NBAS: variants seen among roughly 807,000 people sequenced by gnomAD.
NBAS encodes the protein NAG/BC035112 fusion.
In NBAS, 219 loss-of-function variants were observed where a neutral mutation model predicts 302.5. The observed-to-expected ratio is 0.72, with a 90% CI of 0.65 to 0.81. The LOEUF (loss-of-function observed/expected upper bound fraction) is 0.81, where lower values mean the gene tolerates loss of function less well. Ranked by LOEUF, NBAS falls within the 30% of genes least tolerant of loss-of-function variation. The pLI is 0.00. For synonymous variants in NBAS, 1,118 were observed against 1,021.6 expected (o/e 1.09, Z -1.80); for missense variants, 2,932 against 2,841.6 (o/e 1.03, Z -0.72).
chr2:14,822,591 T>C, the NBAS span, among the ~76,000 whole-genome samples: 1 of 152,164 alleles, frequency 6.6e-6, no homozygotes, highest in Admixed American at 6.5e-5. Flanking sequence ...ATCTTATTTA[T>C]AAATGAAGAT....
the NBAS span, among the ~76,000 whole-genome samples, chr2:15,058,721 A>G: frequency 2.6e-5 from 4 of 152,262 alleles, no homozygotes; most frequent in African/African-American, 9.6e-5. Flanking sequence ...CTAGAATTTA[A>G]TTTTGGTTCT....
chr2:14,956,136 T>C, the NBAS span, among the ~76,000 whole-genome samples: 1 of 152,178 alleles, frequency 6.6e-6, no homozygotes, highest in African/African-American at 2.4e-5. Flanking sequence ...GGGCAAAATG[T>C]CACCAGTCTC....
At chr2:15,400,747 T>C (rs962876893) in intron 26 of NBAS, among the ~76,000 whole-genome samples, 28 of 152,304 alleles carry the variant, frequency 1.8e-4, no homozygotes, top group Non-Finnish European at 1.8e-4. Flanking sequence ...AGGAAGATCA[T>C]GTCCCTTTAG....
At chr2:15,471,674 T>G (rs1463377510) in intron 16 of NBAS, among the ~76,000 whole-genome samples, 1 of 151,798 alleles carries the variant, frequency 6.6e-6, no homozygotes, top group Admixed American at 6.6e-5. Flanking sequence ...ATCCCCAGAG[T>G]GATGATGTTT....
the NBAS span, among the ~76,000 whole-genome samples, chr2:15,031,524 C>T: frequency 6.6e-6 from 1 of 152,126 alleles, no homozygotes; most frequent in Non-Finnish European, 1.5e-5. Flanking sequence ...CACCTCTGGT[C>T]TATAGCTGAG....
rs758606316 is a variant in NBAS, at chr2:15,308,210, ACT to A, written c.4797+4_4797+5del. On this transcript the variant is annotated splice_donor_5th_base_variant and intron_variant, in intron 40 of 51. Transcript: ENST00000281513. The stretch of plus-strand genomic sequence containing the variant: ...CAATAATAAGCTGGAAATCATGAAG[ACT>A]CACCCTGTAAAGAGGATGGCACTTG... 6.2e-7 allele frequency: 1 copy of A among 1,614,060 alleles called. No homozygotes were observed. The highest frequency in any genetic ancestry group is 8.5e-7 in the Non-Finnish European group (1 of 1,180,004).
the NBAS span, among the ~76,000 whole-genome samples, chr2:15,106,464 TCTC>T: frequency 1.3e-5 from 2 of 151,736 alleles, no homozygotes; most frequent in Admixed American, 1.3e-4. Context: ...TCTCTCTCTC[TCTC>T]TCTCTCTCTC....
chr2:15,256,534 T>G (rs1413747645), intron 44 of NBAS, among the ~76,000 whole-genome samples: 1 of 152,114 alleles, frequency 6.6e-6, no homozygotes, highest in Non-Finnish European at 1.5e-5. Flanking sequence ...ATGGACACCC[T>G]TTATTTTTTT....
chr2:15,094,623 A>G, the NBAS span, among the ~76,000 whole-genome samples: 1 of 152,214 alleles, frequency 6.6e-6, no homozygotes, highest in Non-Finnish European at 1.5e-5. Flanking sequence ...TTTAAGTTCC[A>G]GCCTGGCAGT....
the NBAS span, among the ~76,000 whole-genome samples, chr2:14,950,070 A>G: frequency 6.6e-6 from 1 of 152,142 alleles, no homozygotes; most frequent in African/African-American, 2.4e-5. Flanking sequence ...TTACATGAGT[A>G]AGTTCTTTAG....
the NBAS span, among the ~76,000 whole-genome samples, chr2:14,827,765 G>T: frequency 3.9e-5 from 6 of 152,136 alleles, no homozygotes; most frequent in African/African-American, 1.2e-4. Context: ...TAGAGGAGCA[G>T]GGAATGGAAT....
At chr2:15,284,928 C>T (rs1572587478) in intron 42 of NBAS, among the ~76,000 whole-genome samples, 1 of 152,264 alleles carries the variant, frequency 6.6e-6, no homozygotes, top group African/African-American at 2.4e-5. Context: ...TAATGATATG[C>T]TAGGAACAGC....
chr2:15,088,068 T>C, the NBAS span, among the ~76,000 whole-genome samples: 2 of 152,174 alleles, frequency 1.3e-5, no homozygotes, highest in Admixed American at 1.3e-4. Context: ...CTGCACCACA[T>C]AAATGGGGCC....
chr2:15,124,347 G>A, the NBAS span, among the ~76,000 whole-genome samples: 4 of 152,188 alleles, frequency 2.6e-5, no homozygotes, highest in Admixed American at 1.3e-4. Context: ...ACAATCAGAG[G>A]AGGGAGCAAA....
At chr2:15,415,891 G>C (rs1403748529) in intron 24 of NBAS, among the ~76,000 whole-genome samples, 172 bp from the exon 25 acceptor site, 3 of 152,198 alleles carry the variant, frequency 2.0e-5, no homozygotes, top group Admixed American at 2.0e-4. Flanking sequence ...TGGATTGACA[G>C]GTAGCAGGAA....
At chr2:15,453,449 A>AAGATTAAATTGGCAC (rs1272951562) in intron 21 of NBAS, among the ~76,000 whole-genome samples, 2 of 152,186 alleles carry the variant, frequency 1.3e-5, no homozygotes, top group African/African-American at 4.8e-5. Context: ...ATACTGACAT[A>AAGATTAAATTGGCAC]AGATTAAATT....
the NBAS span, among the ~76,000 whole-genome samples, chr2:14,958,778 A>G: frequency 6.6e-6 from 1 of 152,244 alleles, no homozygotes; most frequent in Admixed American, 6.5e-5. Context: ...TGCCTGCCTT[A>G]TCTTTAAAAG....
chr2:15,179,132 AG>A lies in NBAS; in HGVS notation c.6712-17del. On this transcript the variant is annotated splice_polypyrimidine_tract_variant and intron_variant, in intron 50 of 51. Transcript: ENST00000281513. Reference sequence around the variant, plus strand: ...CCTTCACACCCTGAAACCACAGAGCAGGGGTGAGCGAGAACTCCACGACGTA... The same window carrying A: ...CCTTCACACCCTGAAACCACAGAGCAGGGTGAGCGAGAACTCCACGACGTA... The A allele has an allele frequency of 6.2e-7, 1 of 1,613,804 alleles. No homozygotes were observed. The highest frequency in any genetic ancestry group is 8.5e-7 in the Non-Finnish European group (1 of 1,179,804).
At chr2:15,071,624 C>CA in the NBAS span, among the ~76,000 whole-genome samples, 5,570 of 74,656 alleles carry the variant, frequency 0.075, 344 homozygotes, top group African/African-American at 0.21. Flanking sequence ...ACTCCATCTC[C>CA]AAAAAAAAAA....
Sources: gnomAD v4.1 joint callset for allele counts (sites outside exome capture counted in the v4.1 genomes callset) on GRCh38, gnomAD v4.1.1 for gene constraint, MANE v1.5 for transcripts, NCBI Gene and HGNC (gene_info 2026-07-23, HGNC 2026-07-21) for gene names.